BNC2: variants seen among roughly 807,000 people sequenced by gnomAD.
The protein encoded by BNC2 is zinc finger protein basonuclin-2.
A neutral mutation model predicts 76.3 loss-of-function variants in BNC2; 20 were observed. The ratio of observed to expected loss-of-function variants is 0.26; its 90% CI spans 0.18 to 0.38. The LOEUF is 0.38. BNC2 is among the 10% of genes least tolerant of loss of function. BNC2 has a pLI of 1.00. For synonymous variants in BNC2, 582 were observed against 514.8 expected (o/e 1.13, Z -1.77); for missense variants, 1,382 against 1,399.8 (o/e 0.99, Z 0.20).
intron 6 of BNC2, among the ~76,000 whole-genome samples, chr9:16,432,077 A>G (rs1183722428): frequency 6.6e-6 from 1 of 152,222 alleles, no homozygotes; most frequent in Admixed American, 6.5e-5. Flanking sequence ...CACTCAGAAT[A>G]AAAATTATTC....
chr9:16,421,582 G>A (rs1330186552), intron 6 of BNC2, among the ~76,000 whole-genome samples: 2 of 152,154 alleles, frequency 1.3e-5, no homozygotes, highest in African/African-American at 4.8e-5. Flanking sequence ...GTTCTAAACA[G>A]ATGCATGCAG....
At chr9:16,660,226 G>A (rs191973946) in intron 3 of BNC2, among the ~76,000 whole-genome samples, 50 of 152,206 alleles carry the variant, frequency 3.3e-4, no homozygotes, top group South Asian at 1.0e-3. Flanking sequence ...AGGCCGAGTC[G>A]GGCGGATCAC....
At chr9:16,848,505 C>T (rs896891472) in intron 1 of BNC2, among the ~76,000 whole-genome samples, 1 of 152,164 alleles carries the variant, frequency 6.6e-6, no homozygotes, top group Admixed American at 6.5e-5. Flanking sequence ...TCTTATGAGC[C>T]AAATGGTCCA....
rs1450106616 is a variant in BNC2 at position 16,539,752 on chromosome 9, A to AGGAAAAGAG, written c.669+12777_669+12778insCTCTTTTCC. On this transcript the variant is annotated intron_variant, in intron 5 of 6. Coordinates refer to ENST00000380672, the MANE Select transcript of BNC2 (RefSeq NM_017637.6). Reference sequence around the variant, plus strand: ...AAAGAGGGAAAGGGAAGGGAAGGGAAGGAAAGGAAAGGAAAAGAAAGGAAA... The same window carrying AGGAAAAGAG: ...AAAGAGGGAAAGGGAAGGGAAGGGAAGGAAAAGAGGGAAAGGAAAGGAAAAGAAAGGAAA... 4.6e-3 allele frequency among the ~76,000 whole-genome samples: 439 copies of AGGAAAAGAG among 94,822 alleles called. 21 individuals are homozygous for AGGAAAAGAG. Among genetic ancestry groups the AGGAAAAGAG allele is most frequent in the African/African-American group, 0.023 (413 of 17,910 alleles). The allele number at this position is 94,822 out of a possible 152,430, so 62.2% of individuals were successfully genotyped here. A position where few individuals can be genotyped will look rare whatever the true frequency, so the allele number is the denominator to read the frequency against.
intron 1 of BNC2, among the ~76,000 whole-genome samples, chr9:16,767,854 T>C (rs1017126288): frequency 6.6e-6 from 1 of 151,914 alleles, no homozygotes; most frequent in African/African-American, 2.4e-5. Flanking sequence ...TTAAAGAAAA[T>C]CCAAAACATG....
chr9:16,685,482 G>A, intron 3 of BNC2: 1 of 1,066,860 alleles, frequency 9.4e-7, no homozygotes, highest in Non-Finnish European at 1.3e-6. Context: ...TACCCAAATG[G>A]CTTTCCAGGA....
chr9:16,807,909 T>A (rs1203793400), intron 1 of BNC2, among the ~76,000 whole-genome samples: 2 of 152,086 alleles, frequency 1.3e-5, no homozygotes, highest in Non-Finnish European at 2.9e-5. Context: ...ATAAATATAC[T>A]TTGTAGAATA....
chr9:16,677,220 G>C (rs1294210160), intron 3 of BNC2, among the ~76,000 whole-genome samples: 2 of 152,282 alleles, frequency 1.3e-5, no homozygotes, highest in African/African-American at 2.4e-5. Flanking sequence ...AGTGTCAAGA[G>C]ATAGGCTGAA....
chr9:16,826,544 G>T (rs1818457712), intron 1 of BNC2, among the ~76,000 whole-genome samples: 2 of 152,006 alleles, frequency 1.3e-5, no homozygotes, highest in South Asian at 4.1e-4. Flanking sequence ...ATATTCTTGG[G>T]TATAATAAAT....
chr9:16,810,247 T>C (rs1242187851), intron 1 of BNC2, among the ~76,000 whole-genome samples: 2 of 152,166 alleles, frequency 1.3e-5, no homozygotes, highest in African/African-American at 4.8e-5. Flanking sequence ...CTTAGTGTAG[T>C]CTTCCACAAG....
At chr9:16,595,422 G>T (rs568833283) in intron 3 of BNC2, among the ~76,000 whole-genome samples, 6 of 152,210 alleles carry the variant, frequency 3.9e-5, no homozygotes, top group Admixed American at 3.3e-4. Flanking sequence ...TTCCCCAGGG[G>T]TCTGTGCTGA....
intron 3 of BNC2, among the ~76,000 whole-genome samples, chr9:16,667,343 A>T (rs7027949): frequency 6.6e-6 from 1 of 152,212 alleles, no homozygotes. Context: ...TAAAATCCAC[A>T]ATCAAGCTCT....
At chr9:16,830,569 C>T (rs1563962151) in intron 1 of BNC2, among the ~76,000 whole-genome samples, 1 of 152,176 alleles carries the variant, frequency 6.6e-6, no homozygotes, top group East Asian at 1.9e-4. Flanking sequence ...TTTTGATCCA[C>T]GGTTGGTTGA....
rs75183582 is a variant in BNC2, at chr9:16,839,573, C to T, written c.3+31073G>A. 3.4e-3 allele frequency among the ~76,000 whole-genome samples: 512 copies of T among 152,300 alleles called. 3 individuals carry two copies. The highest frequency in any genetic ancestry group is 0.012 in the African/African-American group (485 of 41,566). ...AGATATGCAGGTTAGAAGAGAACCC[C>T]ATGCAAGTCTAAAGCACGCTGCGCA... is the stretch of plus-strand genomic sequence containing the variant. On this transcript the variant is annotated intron_variant, in intron 1 of 6. Transcript: ENST00000380672.
At chr9:16,453,450 T>A (rs1290820605) in intron 5 of BNC2, among the ~76,000 whole-genome samples, 1 of 152,150 alleles carries the variant, frequency 6.6e-6, no homozygotes, top group Non-Finnish European at 1.5e-5. Context: ...GCCTGAAGAG[T>A]TAAGAGAGTT....
intron 5 of BNC2, among the ~76,000 whole-genome samples, chr9:16,516,408 G>A (rs1171515132): frequency 2.0e-5 from 3 of 151,524 alleles, no homozygotes; most frequent in African/African-American, 4.8e-5. Flanking sequence ...CTAAAGAAGC[G>A]AGTTTACAGT....
At chr9:16,438,046 A>C (rs534929160) in intron 5 of BNC2, among the ~76,000 whole-genome samples, 51 of 152,264 alleles carry the variant, frequency 3.3e-4, no homozygotes, top group African/African-American at 1.2e-3. Context: ...AGTTATGTGA[A>C]TTTCTGAATC....
Position 16,561,867 on chromosome 9 carries a change from G to A in BNC2, c.434-9102C>T, listed in dbSNP as rs1386790614. 3.3e-5 allele frequency among the ~76,000 whole-genome samples: 5 copies of A among 152,192 alleles called. 1 individual carries two copies. In the South Asian group the frequency reaches 6.2e-4, roughly 19 times the overall value. On this transcript the variant is annotated intron_variant, in intron 4 of 6. Transcript: ENST00000380672. ...AAAAATACAAAAATTAGCTGAGCATGGTGGCACGTGCCTGTAGTCCCAGCT... is the reference window on the plus strand; with the variant it reads ...AAAAATACAAAAATTAGCTGAGCATAGTGGCACGTGCCTGTAGTCCCAGCT...
intron 5 of BNC2, among the ~76,000 whole-genome samples, chr9:16,489,523 T>C (rs942793585): frequency 5.3e-5 from 8 of 152,212 alleles, no homozygotes; most frequent in Non-Finnish European, 1.2e-4. Context: ...AGTTGAAATG[T>C]ATATGCAAAT....
Sources: gnomAD v4.1 joint callset for allele counts (sites outside exome capture counted in the v4.1 genomes callset) on GRCh38, gnomAD v4.1.1 for gene constraint, MANE v1.5 for transcripts, NCBI Gene and HGNC (gene_info 2026-07-23, HGNC 2026-07-21) for gene names.